TASP1: variants seen among roughly 807,000 people sequenced by gnomAD.
TASP1 encodes the protein taspase 1.
TASP1 carries 16 observed loss-of-function variants against 56.6 expected under a neutral mutation model. The ratio of observed to expected loss-of-function variants is 0.28; its 90% CI spans 0.19 to 0.43. The LOEUF (loss-of-function observed/expected upper bound fraction) is 0.43. Ranked by LOEUF, TASP1 falls within the 20% of genes least tolerant of loss-of-function variation. TASP1 has a pLI of 1.00. For missense variants in TASP1, 393 were observed against 511.6 expected (o/e 0.77, Z 2.24); for synonymous variants, 179 against 184.2 (o/e 0.97, Z 0.23).
the TASP1 span, among the ~76,000 whole-genome samples, chr20:13,263,362 G>A: frequency 6.7e-6 from 1 of 150,212 alleles, no homozygotes; most frequent in Non-Finnish European, 1.5e-5. Context: ...TCCACTCCTA[G>A]GATCGTGGTC....
chr20:13,421,310 G>A (rs1042971379), intron 12 of TASP1, among the ~76,000 whole-genome samples: 12 of 151,708 alleles, frequency 7.9e-5, no homozygotes, highest in African/African-American at 2.4e-4. Flanking sequence ...CTTGACCTCA[G>A]GTGATCCGCC....
the TASP1 span, among the ~76,000 whole-genome samples, chr20:13,221,579 G>C: frequency 2.1e-5 from 3 of 142,454 alleles, no homozygotes; most frequent in Non-Finnish European, 3.1e-5. Context: ...CGGCGGCGCC[G>C]GCAGCTCCTG....
intron 6 of TASP1, among the ~76,000 whole-genome samples, chr20:13,572,036 C>A (rs2046733280): frequency 6.6e-6 from 1 of 152,196 alleles, no homozygotes; most frequent in Non-Finnish European, 1.5e-5. Flanking sequence ...ATCTCCTTAT[C>A]CTGCTCCTTT....
At chr20:13,190,079 T>C in the TASP1 span, among the ~76,000 whole-genome samples, 16 of 152,116 alleles carry the variant, frequency 1.1e-4, no homozygotes, top group Admixed American at 2.6e-4. Context: ...ACATTCTCAC[T>C]TACAAGTGGG....
the TASP1 span, among the ~76,000 whole-genome samples, chr20:13,138,628 A>G: frequency 6.6e-6 from 1 of 152,188 alleles, no homozygotes; most frequent in Non-Finnish European, 1.5e-5. Context: ...CCATTTATAA[A>G]CAATTAGAAT....
At chr20:13,606,024 C>T (rs951742128) in intron 4 of TASP1, among the ~76,000 whole-genome samples, 6 of 152,194 alleles carry the variant, frequency 3.9e-5, no homozygotes, top group African/African-American at 1.4e-4. Flanking sequence ...AAAGCCCCTA[C>T]CTCAGGGCTG....
At chr20:13,213,187 TA>T in the TASP1 span, among the ~76,000 whole-genome samples, 2 of 151,406 alleles carry the variant, frequency 1.3e-5, no homozygotes, top group East Asian at 1.9e-4. Flanking sequence ...CTTTAGTTAT[TA>T]AAAAAAAAGA....
the TASP1 span, among the ~76,000 whole-genome samples, chr20:13,151,836 G>T: frequency 1.7e-4 from 26 of 152,184 alleles, no homozygotes; most frequent in South Asian, 5.0e-3. Context: ...TTCACTCCTT[G>T]GACACAGCCC....
intron 11 of TASP1, among the ~76,000 whole-genome samples, chr20:13,445,654 T>C (rs1033304583): frequency 1.3e-5 from 2 of 152,132 alleles, no homozygotes; most frequent in African/African-American, 2.4e-5. Flanking sequence ...GATTAACTTT[T>C]AGGTAAGAAG....
chr20:13,317,140 A>G, the TASP1 span, among the ~76,000 whole-genome samples: 1 of 151,982 alleles, frequency 6.6e-6, no homozygotes, highest in Non-Finnish European at 1.5e-5. Flanking sequence ...TATACCAACA[A>G]TGAACAAGTG....
chr20:13,324,844 G>A, the TASP1 span, among the ~76,000 whole-genome samples: 3 of 152,160 alleles, frequency 2.0e-5, no homozygotes, highest in Admixed American at 2.0e-4. Flanking sequence ...CCTAGTTTAA[G>A]TTTCTTATTT....
At chr20:13,479,619 C>A (rs1205398538) in intron 11 of TASP1, among the ~76,000 whole-genome samples, 1 of 152,092 alleles carries the variant, frequency 6.6e-6, no homozygotes, top group Non-Finnish European at 1.5e-5. Flanking sequence ...CTTAGCCTCC[C>A]AAGTAGCTGG....
the TASP1 span, among the ~76,000 whole-genome samples, chr20:13,243,621 C>A: frequency 5.6e-5 from 8 of 142,918 alleles, no homozygotes; most frequent in Non-Finnish European, 1.2e-4. Flanking sequence ...GACTGCCATG[C>A]ATCCCCTCAC....
At chr20:13,277,417 C>CTACAGGCAGAGGG in the TASP1 span, among the ~76,000 whole-genome samples, 59,506 of 151,796 alleles carry the variant, frequency 0.39, 11,812 homozygotes, top group African/African-American at 0.42. Context: ...TCAGTTCCCT[C>CTACAGGCAGAGGG]AGATGGGGCT....
intron 3 of TASP1, among the ~76,000 whole-genome samples, chr20:13,623,903 T>C (rs2048800452): frequency 2.0e-5 from 3 of 152,180 alleles, no homozygotes; most frequent in Admixed American, 2.0e-4. Flanking sequence ...CTCCTCCCAC[T>C]GTTAATACTC....
chr20:13,311,151 G>A, the TASP1 span, among the ~76,000 whole-genome samples: 1 of 152,044 alleles, frequency 6.6e-6, no homozygotes, highest in Non-Finnish European at 1.5e-5. Flanking sequence ...CTGAGATCAT[G>A]CCATTGCACT....
intron 12 of TASP1, among the ~76,000 whole-genome samples, chr20:13,420,449 T>A (rs1337801834): frequency 6.6e-6 from 1 of 152,200 alleles, no homozygotes; most frequent in African/African-American, 2.4e-5. Flanking sequence ...ATTTATCCCA[T>A]CCCACAGTAA....
chr20:13,314,910 G>C, the TASP1 span, among the ~76,000 whole-genome samples: 1 of 152,044 alleles, frequency 6.6e-6, no homozygotes, highest in Non-Finnish European at 1.5e-5. Context: ...GGAAGAATTA[G>C]AATTATTATA....
At chr20:13,137,553 G>A in the TASP1 span, among the ~76,000 whole-genome samples, 1 of 152,124 alleles carries the variant, frequency 6.6e-6, no homozygotes, top group Non-Finnish European at 1.5e-5. Flanking sequence ...AAAACTGAGT[G>A]TTCTGTTCCT....
Sources: gnomAD v4.1 joint callset for allele counts (sites outside exome capture counted in the v4.1 genomes callset) on GRCh38, gnomAD v4.1.1 for gene constraint, MANE v1.5 for transcripts, NCBI Gene and HGNC (gene_info 2026-07-23, HGNC 2026-07-21) for gene names.